The following DLGAP2 variants were observed in gnomAD, a reference collection of about 807,000 sequenced individuals.
DLGAP2 encodes the protein disks large-associated protein 2.
Under a neutral mutation model 100.3 loss-of-function variants are expected in DLGAP2, and 26 were observed. The observed-to-expected ratio is 0.26, with a 90% CI of 0.19 to 0.36. The LOEUF (loss-of-function observed/expected upper bound fraction) is 0.36. Ranked by LOEUF, DLGAP2 falls within the 10% of genes least tolerant of loss-of-function variation. The pLI is 1.00. For missense variants in DLGAP2, 1,858 were observed against 1,453.2 expected (o/e 1.28, Z -4.53); for synonymous variants, 886 against 630.1 (o/e 1.41, Z -6.08).
At chr8:1,210,214 C>G (rs931122499) in intron 2 of DLGAP2, among the ~76,000 whole-genome samples, 3 of 152,144 alleles carry the variant, frequency 2.0e-5, no homozygotes, top group Non-Finnish European at 4.4e-5. Flanking sequence ...AGGGTCCCAT[C>G]CGTCCAGGGC....
At chr8:866,537 T>C (rs903501553) in intron 1 of DLGAP2, among the ~76,000 whole-genome samples, 3 of 152,072 alleles carry the variant, frequency 2.0e-5, no homozygotes, top group Non-Finnish European at 4.4e-5. Context: ...GCCTGGCCTG[T>C]CAGTTGATTC....
chr8:920,988 T>A (rs1476352340), intron 2 of DLGAP2, among the ~76,000 whole-genome samples: 1 of 152,114 alleles, frequency 6.6e-6, no homozygotes, highest in East Asian at 1.9e-4. Flanking sequence ...CCGGGTGCTC[T>A]TGGAAACCTT....
intron 3 of DLGAP2, among the ~76,000 whole-genome samples, chr8:1,458,643 A>G (rs1278494638): frequency 6.6e-6 from 1 of 152,224 alleles, no homozygotes; most frequent in East Asian, 1.9e-4. Context: ...CTGAGCCTCC[A>G]GCAGCACAGA....
intron 2 of DLGAP2, among the ~76,000 whole-genome samples, chr8:1,250,006 G>A (rs1003698557): frequency 2.6e-5 from 4 of 152,054 alleles, no homozygotes; most frequent in Admixed American, 1.3e-4. Context: ...TCAGCCTCCC[G>A]AGTAGCTGAG....
intron 2 of DLGAP2, among the ~76,000 whole-genome samples, chr8:1,200,632 C>T (rs1486672921): frequency 2.0e-5 from 3 of 152,174 alleles, no homozygotes; most frequent in East Asian, 1.9e-4. Context: ...TTGCGCTGGA[C>T]GGCAAACTGC....
intron 1 of DLGAP2, among the ~76,000 whole-genome samples, chr8:752,673 C>T (rs34480485): frequency 0.1 from 15,538 of 152,192 alleles, 1,102 homozygotes; most frequent in East Asian, 0.32. Context: ...AATTTATAAA[C>T]GGGGAGATGC....
At chr8:815,988 G>T (rs1009452176) in intron 1 of DLGAP2, among the ~76,000 whole-genome samples, 5 of 152,118 alleles carry the variant, frequency 3.3e-5, no homozygotes, top group African/African-American at 1.2e-4. Context: ...TTAAAATGCT[G>T]TTGCTGTAGA....
intron 3 of DLGAP2, among the ~76,000 whole-genome samples, chr8:1,476,441 C>T (rs1186114336): frequency 6.6e-6 from 1 of 152,126 alleles, no homozygotes; most frequent in Admixed American, 6.5e-5. Flanking sequence ...TCACCTGTTC[C>T]TTCCTGTTTT....
At chr8:1,514,071 T>C (rs954337878) in intron 4 of DLGAP2, among the ~76,000 whole-genome samples, 2 of 152,216 alleles carry the variant, frequency 1.3e-5, no homozygotes, top group African/African-American at 4.8e-5. Context: ...CGCCCACCAC[T>C]CTGGAGAAGA....
intron 1 of DLGAP2, among the ~76,000 whole-genome samples, chr8:817,560 T>C (rs1242019046): frequency 6.6e-6 from 1 of 152,210 alleles, no homozygotes; most frequent in Admixed American, 6.5e-5. Context: ...GTTACCAGAA[T>C]TGTTTTTCTG....
At chr8:1,443,382 T>C (rs1252584329) in intron 3 of DLGAP2, among the ~76,000 whole-genome samples, 1 of 152,150 alleles carries the variant, frequency 6.6e-6, no homozygotes, top group Non-Finnish European at 1.5e-5. Flanking sequence ...CATTTGGATG[T>C]TAATACTTCC....
At chr8:1,151,401 T>C (rs1166149699) in intron 2 of DLGAP2, among the ~76,000 whole-genome samples, 1 of 152,192 alleles carries the variant, frequency 6.6e-6, no homozygotes, top group African/African-American at 2.4e-5. Context: ...GGTAACACGA[T>C]GCAGAGAAGT....
At chr8:1,588,786 G>A (rs544337844) in intron 6 of DLGAP2, among the ~76,000 whole-genome samples, 2 of 150,490 alleles carry the variant, frequency 1.3e-5, no homozygotes, top group African/African-American at 2.4e-5. Flanking sequence ...GCTGAGCATG[G>A]TAGTACATGC....
At chr8:1,537,791 A>G (rs1412092803) in intron 4 of DLGAP2, among the ~76,000 whole-genome samples, 1 of 152,124 alleles carries the variant, frequency 6.6e-6, no homozygotes, top group African/African-American at 2.4e-5. Flanking sequence ...GGAAGGACAA[A>G]TGGATAAATG....
At chr8:1,537,940 T>G (rs1801212501) in intron 4 of DLGAP2, among the ~76,000 whole-genome samples, 1 of 152,154 alleles carries the variant, frequency 6.6e-6, no homozygotes, top group African/African-American at 2.4e-5. Flanking sequence ...TAAAGATGGA[T>G]GGAGTGGCCA....
intron 1 of DLGAP2, among the ~76,000 whole-genome samples, chr8:748,627 A>G (rs571524853): frequency 1.6e-3 from 250 of 152,242 alleles, no homozygotes; most frequent in Non-Finnish European, 3.0e-3. Context: ...GTGCTTACAT[A>G]TATTGGGTGA....
intron 6 of DLGAP2, among the ~76,000 whole-genome samples, chr8:1,602,478 T>C (rs6999089): frequency 0.46 from 69,973 of 152,114 alleles, 16,387 homozygotes; most frequent in African/African-American, 0.54. Flanking sequence ...CATGCAGCCA[T>C]GTTGCCCAGA....
chr8:1,181,867 G>A (rs1013739993), intron 2 of DLGAP2, among the ~76,000 whole-genome samples: 2 of 152,182 alleles, frequency 1.3e-5, no homozygotes, highest in African/African-American at 4.8e-5. Flanking sequence ...ACCCCCTGGA[G>A]AGGACTTTGC....
chr8:883,207 A>T (rs937713338), intron 1 of DLGAP2: 9 of 152,232 alleles, frequency 5.9e-5, no homozygotes, highest in African/African-American at 2.2e-4. Context: ...CACTGGGCAG[A>T]CCTTGCTGGC....
Sources: allele counts gnomAD v4.1 joint callset (sites outside exome capture counted in the v4.1 genomes callset), GRCh38; gene constraint gnomAD v4.1.1; transcripts MANE v1.5; gene names NCBI Gene and HGNC (gene_info 2026-07-23, HGNC 2026-07-21).